Variants in ARHGAP26 observed in about 807,000 individuals in gnomAD.
The protein encoded by ARHGAP26 is rho GTPase-activating protein 26.
Under a neutral mutation model 104.8 loss-of-function variants are expected in ARHGAP26, and 38 were observed. The observed-to-expected ratio is 0.36, with a 90% CI of 0.28 to 0.48. The LOEUF (loss-of-function observed/expected upper bound fraction) is 0.48. Among genes scored for constraint, ARHGAP26 ranks in the 20% least tolerant of loss-of-function variants. ARHGAP26 has a pLI of 0.99. For missense variants in ARHGAP26, 704 were observed against 947.9 expected (o/e 0.74, Z 3.38); for synonymous variants, 341 against 340.0 (o/e 1.00, Z -0.03).
intron 19 of ARHGAP26, among the ~76,000 whole-genome samples, chr5:143,141,787 G>T (rs1437130846): frequency 1.3e-5 from 2 of 152,168 alleles, no homozygotes; most frequent in Admixed American, 6.5e-5. Context: ...ATTTAACTCT[G>T]ATCATTCAAC....
chr5:143,124,849 C>G (rs945013446), intron 18 of ARHGAP26, among the ~76,000 whole-genome samples: 1 of 152,228 alleles, frequency 6.6e-6, no homozygotes, highest in Non-Finnish European at 1.5e-5. Flanking sequence ...TGGTACCCAG[C>G]AAGTTTGCAT....
At chr5:143,080,763 A>T (rs1464316315) in intron 17 of ARHGAP26, among the ~76,000 whole-genome samples, 2 of 152,112 alleles carry the variant, frequency 1.3e-5, no homozygotes, top group Non-Finnish European at 2.9e-5. Context: ...GAGGGTTCTG[A>T]GGGTGTGAAT....
chr5:142,796,095 GTC>G (rs1237737740), intron 1 of ARHGAP26, among the ~76,000 whole-genome samples: 9 of 142,208 alleles, frequency 6.3e-5, no homozygotes, highest in African/African-American at 2.5e-4. Context: ...TGTGTGTTAC[GTC>G]TCTCCTACTA....
chr5:143,143,160 TG>T (rs1191254570), intron 19 of ARHGAP26, among the ~76,000 whole-genome samples: 2 of 152,156 alleles, frequency 1.3e-5, no homozygotes, highest in South Asian at 2.1e-4. Context: ...GTCCCATGCA[TG>T]GGGGGAAACC....
intron 20 of ARHGAP26, among the ~76,000 whole-genome samples, chr5:143,156,122 A>G (rs763856629): frequency 6.6e-6 from 1 of 152,224 alleles, no homozygotes; most frequent in Non-Finnish European, 1.5e-5. Flanking sequence ...TTAGGATTAG[A>G]TTAGAATTGT....
At chr5:143,131,405 AAG>A (rs1237736486) in intron 18 of ARHGAP26, among the ~76,000 whole-genome samples, 1 of 151,726 alleles carries the variant, frequency 6.6e-6, no homozygotes, top group African/African-American at 2.4e-5. Flanking sequence ...TTAGAAAAAA[AAG>A]AGACAAAATT....
At chr5:143,041,911 G>A (rs1198449257) in intron 14 of ARHGAP26, 21 bp downstream of exon 14, 4 of 1,568,886 alleles carry the variant, frequency 2.5e-6, no homozygotes, top group Non-Finnish European at 3.5e-6. Flanking sequence ...CAGTGGCTCT[G>A]CTAGGCAGGT....
At chr5:143,050,517 G>A (rs1351695574) in intron 14 of ARHGAP26, among the ~76,000 whole-genome samples, 4 of 152,130 alleles carry the variant, frequency 2.6e-5, no homozygotes, top group African/African-American at 9.7e-5. Context: ...TTGAATGTCT[G>A]CATTTCTTTT....
At chr5:142,790,949 A>G (rs1223544282) in intron 1 of ARHGAP26, among the ~76,000 whole-genome samples, 1 of 152,208 alleles carries the variant, frequency 6.6e-6, no homozygotes, top group Non-Finnish European at 1.5e-5. Flanking sequence ...TGCATGTTGA[A>G]TAAATGATGT....
At chr5:142,901,365 A>G (rs1033686050) in intron 6 of ARHGAP26, among the ~76,000 whole-genome samples, 4 of 152,260 alleles carry the variant, frequency 2.6e-5, no homozygotes, top group African/African-American at 9.6e-5. Flanking sequence ...AGGAATCCAT[A>G]GTGTTTACTT....
rs893246628 is a variant in ARHGAP26 at position 142,844,865 on chromosome 5, A to C, written c.155-28535A>C. ...GTGAGACTGCGTCTCAAAAAAAAAA[A>C]AAAAAAGAACTCTTTTAATTGATTG... On this transcript the variant is annotated intron_variant, in intron 1 of 22. Coordinates refer to ENST00000645722, the MANE Select transcript of ARHGAP26 (RefSeq NM_001135608.3). Among the ~76,000 whole-genome samples the C allele has an allele frequency of 2.9e-4, 44 of 152,162 alleles. 1 individual carries two copies. The highest frequency in any genetic ancestry group is 3.4e-3 in the Middle Eastern group (1 of 294).
At chr5:143,077,242 T>A (rs1243394988) in intron 17 of ARHGAP26, among the ~76,000 whole-genome samples, 2 of 152,192 alleles carry the variant, frequency 1.3e-5, no homozygotes, top group Non-Finnish European at 2.9e-5. Context: ...GCAGGTTAGC[T>A]AAGCTACAGG....
At chr5:142,954,208 A>C (rs1260231808) in intron 11 of ARHGAP26, among the ~76,000 whole-genome samples, 1 of 152,220 alleles carries the variant, frequency 6.6e-6, no homozygotes, top group Non-Finnish European at 1.5e-5. Context: ...ATGAAATATA[A>C]GAATGTTAGG....
At chr5:143,007,149 C>T (rs767904835) in intron 11 of ARHGAP26, among the ~76,000 whole-genome samples, 21 of 146,376 alleles carry the variant, frequency 1.4e-4, no homozygotes, top group Non-Finnish European at 2.5e-4. Flanking sequence ...GAGCCGAGAT[C>T]GCACCACTGC....
chr5:143,144,278 T>A (rs1326980777), intron 19 of ARHGAP26, among the ~76,000 whole-genome samples: 3 of 152,228 alleles, frequency 2.0e-5, no homozygotes, highest in African/African-American at 4.8e-5. Flanking sequence ...TTTTAATTTT[T>A]ATTTTTTAAA....
intron 20 of ARHGAP26, among the ~76,000 whole-genome samples, chr5:143,204,909 C>A (rs925879865): frequency 6.6e-6 from 1 of 151,972 alleles, no homozygotes; most frequent in Non-Finnish European, 1.5e-5. Flanking sequence ...TTCTCTTGAA[C>A]CTCCAAATTG....
chr5:142,928,583 A>C (rs1276911967), intron 10 of ARHGAP26, among the ~76,000 whole-genome samples: 1 of 152,188 alleles, frequency 6.6e-6, no homozygotes, highest in Non-Finnish European at 1.5e-5. Flanking sequence ...GGCATTGTGC[A>C]CAAGAGTTAA....
intron 1 of ARHGAP26, among the ~76,000 whole-genome samples, chr5:142,819,996 G>A (rs1025845078): frequency 6.6e-6 from 1 of 152,164 alleles, no homozygotes; most frequent in Admixed American, 6.5e-5. Context: ...CCGGTCTGCC[G>A]TTGTTTGTGG....
intron 11 of ARHGAP26, among the ~76,000 whole-genome samples, chr5:142,948,980 C>T (rs1034941139): frequency 2.0e-5 from 3 of 151,796 alleles, no homozygotes; most frequent in Non-Finnish European, 2.9e-5. Flanking sequence ...TGGCGGGTGC[C>T]TGTAATCCTA....
Sources: gnomAD v4.1 joint callset for allele counts (sites outside exome capture counted in the v4.1 genomes callset) on GRCh38, gnomAD v4.1.1 for gene constraint, MANE v1.5 for transcripts, NCBI Gene and HGNC (gene_info 2026-07-23, HGNC 2026-07-21) for gene names.